P3H2: variants seen among roughly 807,000 people sequenced by gnomAD.
P3H2 encodes prolyl 3-hydroxylase 2, also known as leprecan-like 1.
P3H2 carries 80 observed loss-of-function variants against 87.0 expected under a neutral mutation model. The observed-to-expected ratio is 0.92, with a 90% CI of 0.77 to 1.11. The LOEUF is 1.11. Among genes scored for constraint, P3H2 ranks in the 50% least tolerant of loss-of-function variants. The probability of loss-of-function intolerance (pLI) is 0.00; values close to 1 mark genes in which losing one functional copy is unlikely to be tolerated. For synonymous variants in P3H2, 367 were observed against 359.3 expected (o/e 1.02, Z -0.24); for missense variants, 1,001 against 923.9 (o/e 1.08, Z -1.08).
chr3:190,097,308 A>G (rs1727618047), intron 1 of P3H2, among the ~76,000 whole-genome samples: 1 of 152,186 alleles, frequency 6.6e-6, no homozygotes, highest in Admixed American at 6.5e-5. Flanking sequence ...CAAACAACCA[A>G]AAAAACCGCT....
intron 1 of P3H2, among the ~76,000 whole-genome samples, chr3:190,035,089 T>A (rs1298299143): frequency 2.0e-5 from 3 of 152,132 alleles, no homozygotes; most frequent in African/African-American, 4.8e-5. Context: ...CCTCAAGTGA[T>A]CTGCTTGCCT....
chr3:190,071,732 A>T (rs973717068), intron 1 of P3H2, among the ~76,000 whole-genome samples: 6 of 151,934 alleles, frequency 3.9e-5, no homozygotes, highest in African/African-American at 1.4e-4. Flanking sequence ...TCTTTTTAGT[A>T]TCTAGGATTC....
At chr3:189,970,505 C>A (rs182305864) in intron 13 of P3H2, among the ~76,000 whole-genome samples, 4 of 151,636 alleles carry the variant, frequency 2.6e-5, no homozygotes, top group Admixed American at 2.6e-4. Context: ...GACGTTCTTA[C>A]GTTTCCATCA....
Position 190,008,002 on chromosome 3 carries a change from G to A in P3H2, c.481-12560C>T, listed in dbSNP as rs1315471226. Among the ~76,000 whole-genome samples, 53 of 72,262 alleles carry A rather than the reference G, an allele frequency of 7.3e-4. 2 individuals carry two copies. Among genetic ancestry groups the A allele is most frequent in the Admixed American group, 7.0e-3 (53 of 7,530 alleles). 47.4% of individuals were successfully genotyped at this position (72,262 alleles called of 152,430 possible). On this transcript the variant is annotated intron_variant, in intron 1 of 14. Transcript: ENST00000319332. ...TATATATATAGTAAACTTCAGTAAC[G>A]TTGATGAATGACTTTAATTATAAAA... is the stretch of plus-strand genomic sequence containing the variant.
intron 1 of P3H2, among the ~76,000 whole-genome samples, chr3:190,062,064 ACC>A (rs966561822): frequency 4.2e-4 from 64 of 152,168 alleles, no homozygotes; most frequent in African/African-American, 1.5e-3. Flanking sequence ...GCTTACTTCT[ACC>A]CTTCAACAGG....
At chr3:190,099,076 A>G (rs904309397) in intron 1 of P3H2, among the ~76,000 whole-genome samples, 1 of 152,142 alleles carries the variant, frequency 6.6e-6, no homozygotes, top group African/African-American at 2.4e-5. Context: ...GAAGCTTAAT[A>G]GTAGATATAA....
At chr3:190,073,959 G>T (rs1368095866) in intron 1 of P3H2, among the ~76,000 whole-genome samples, 5 of 152,112 alleles carry the variant, frequency 3.3e-5, no homozygotes, top group Non-Finnish European at 5.9e-5. Context: ...TTTGAGGAAG[G>T]ATCAGCTATT....
Position 189,957,376 on chromosome 3 carries a change from G to A in P3H2, c.*536C>T, listed in dbSNP as rs12494299. On this transcript the variant is annotated 3_prime_UTR_variant, in exon 15 of 15. Coordinates refer to ENST00000319332, the MANE Select transcript of P3H2 (RefSeq NM_018192.4). The stretch of plus-strand genomic sequence containing the variant: ...TTAATTTTAGAACTGGAGCACACGT[G>A]AGAGTTGTAGTTTCACCACCAAGAA... 4.7e-5 allele frequency: 19 copies of A among 401,176 alleles called. No individual in the cohort carries two copies. The Admixed American group carries it at 7.1e-4, about 15-fold the overall frequency. The allele number at this position is 401,176 out of a possible 1,614,324, so 24.9% of individuals were successfully genotyped here.
At chr3:189,974,071 T>C in intron 9 of P3H2, 67 bp from the exon 10 acceptor site, 1 of 1,341,438 alleles carries the variant, frequency 7.5e-7, no homozygotes, top group Non-Finnish European at 1.1e-6. Context: ...TTTTTCTGCT[T>C]TGGCTGCCAG....
At chr3:189,967,650 G>A (rs895096113) in intron 13 of P3H2, among the ~76,000 whole-genome samples, 1 of 151,838 alleles carries the variant, frequency 6.6e-6, no homozygotes, top group Non-Finnish European at 1.5e-5. Context: ...CGTCAATCTT[G>A]ATTTAATTTA....
intron 1 of P3H2, among the ~76,000 whole-genome samples, chr3:190,058,178 G>A (rs1726218304): frequency 6.6e-6 from 1 of 152,016 alleles, no homozygotes; most frequent in African/African-American, 2.4e-5. Flanking sequence ...TAACCCTAAG[G>A]GGCCAGCAAA....
At chr3:190,082,130 T>A (rs184881912) in intron 1 of P3H2, among the ~76,000 whole-genome samples, 269 of 152,168 alleles carry the variant, frequency 1.8e-3, no homozygotes, top group African/African-American at 6.1e-3. Flanking sequence ...GTGGTGAGTG[T>A]CTGTAATCCC....
chr3:190,058,337 G>A (rs953829578), intron 1 of P3H2, among the ~76,000 whole-genome samples: 2 of 152,244 alleles, frequency 1.3e-5, no homozygotes, highest in Non-Finnish European at 2.9e-5. Context: ...TCATAGTGAA[G>A]ATACCAGGTA....
chr3:190,020,007 C>T (rs114300266), intron 1 of P3H2, among the ~76,000 whole-genome samples: 7,055 of 131,814 alleles, frequency 0.054, 1,374 homozygotes, highest in African/African-American at 0.17. Flanking sequence ...TACAATTCTG[C>T]GAGTAGTCAT....
At chr3:189,988,683 AT>A (rs1723782632) in intron 4 of P3H2, among the ~76,000 whole-genome samples, 2 of 152,328 alleles carry the variant, frequency 1.3e-5, no homozygotes, top group South Asian at 4.1e-4. Context: ...TCAATCTAGT[AT>A]AATTTTCAGT....
chr3:190,088,259 T>C (rs1383471288), intron 1 of P3H2, among the ~76,000 whole-genome samples: 1 of 152,236 alleles, frequency 6.6e-6, no homozygotes, highest in African/African-American at 2.4e-5. Flanking sequence ...AATATTATTA[T>C]GTACAATACA....
intron 3 of P3H2, among the ~76,000 whole-genome samples, chr3:189,993,612 G>T (rs1334513763): frequency 6.6e-6 from 1 of 152,044 alleles, no homozygotes; most frequent in African/African-American, 2.4e-5. Context: ...CTACACAAAA[G>T]TGTTCACTAC....
At chr3:189,972,268 C>G (rs1043849233) in intron 11 of P3H2, among the ~76,000 whole-genome samples, 2 of 152,154 alleles carry the variant, frequency 1.3e-5, no homozygotes, top group African/African-American at 4.8e-5. Flanking sequence ...CATACATGAA[C>G]AAATTCCATG....
At chr3:190,044,241 G>A (rs1054582556) in intron 1 of P3H2, among the ~76,000 whole-genome samples, 6 of 152,128 alleles carry the variant, frequency 3.9e-5, no homozygotes, top group African/African-American at 1.4e-4. Context: ...AGGAGCACAC[G>A]TTGTTTCCCA....
Sources: allele counts gnomAD v4.1 joint callset (sites outside exome capture counted in the v4.1 genomes callset), GRCh38; gene constraint gnomAD v4.1.1; transcripts MANE v1.5; gene names NCBI Gene and HGNC (gene_info 2026-07-23, HGNC 2026-07-21).